Variants in RNF180 observed in about 807,000 individuals in gnomAD.
RNF180 encodes the protein E3 ubiquitin-protein ligase RNF180.
In RNF180, 38 loss-of-function variants were observed where a neutral mutation model predicts 59.2. The observed-to-expected ratio is 0.64, with a 90% CI of 0.50 to 0.84. The LOEUF (loss-of-function observed/expected upper bound fraction) is 0.84, where lower values mean the gene tolerates loss of function less well. RNF180 is among the 40% of genes least tolerant of loss of function. The pLI is 0.00. For missense variants in RNF180, 705 were observed against 700.9 expected, an observed-to-expected ratio of 1.01 and a Z score of -0.07; for synonymous variants, 262 against 240.3, an observed-to-expected ratio of 1.09 and a Z score of -0.84.
At chr5:64,195,277 A>C (rs1377408548) in intron 1 of RNF180, among the ~76,000 whole-genome samples, 2 of 152,194 alleles carry the variant, frequency 1.3e-5, no homozygotes, top group African/African-American at 2.4e-5. Context: ...TAAGTCTAAA[A>C]GTTGAATTTA....
Position 64,213,612 on chromosome 5 carries a change from G to T in RNF180, c.286G>T (p.Gly96Cys). 6.2e-7 allele frequency: 1 copy of T among 1,614,086 alleles called. No individual in the cohort carries two copies. The highest frequency in any genetic ancestry group is 1.1e-5 in the South Asian group (1 of 91,078). ...TCCTTTCTGTGGGGCCCGTTTAGGG[G>T]GCTTTAATTTTGTCAGCACTCCAAA... ...NCPFCGARLG[G>C]FNFVSTPKCS... is the part of the protein sequence containing the mutation. The change falls in exon 4 of 8, where the codon GGC becomes TGC. Residue 96 changes from glycine to cysteine, a missense_variant. Physicochemically the swap from Gly to Cys is radical, Grantham distance 159 (BLOSUM62 -3). Coordinates refer to ENST00000389100, the MANE Select transcript of RNF180 (RefSeq NM_001113561.2).
chr5:64,177,392 A>G (rs1158806263), intron 1 of RNF180, among the ~76,000 whole-genome samples: 1 of 151,608 alleles, frequency 6.6e-6, no homozygotes, highest in Non-Finnish European at 1.5e-5. Context: ...CTGACTCCCT[A>G]ATTCTTGTTT....
At chr5:64,171,871 G>A (rs1400584988) in intron 1 of RNF180, among the ~76,000 whole-genome samples, 1 of 151,948 alleles carries the variant, frequency 6.6e-6, no homozygotes, top group Non-Finnish European at 1.5e-5. Flanking sequence ...ACAGCATCTG[G>A]GTATAAGGAA....
chr5:64,254,158 G>A (rs981832133), intron 5 of RNF180, among the ~76,000 whole-genome samples: 1 of 152,088 alleles, frequency 6.6e-6, no homozygotes, highest in African/African-American at 2.4e-5. Context: ...AGATTATGAA[G>A]GCAAGTTGTT....
At chr5:64,226,469 T>G (rs1367732134) in intron 5 of RNF180, among the ~76,000 whole-genome samples, 3 of 152,130 alleles carry the variant, frequency 2.0e-5, no homozygotes, top group Admixed American at 6.5e-5. Flanking sequence ...GGCAGCATGC[T>G]CGTTAAGAGT....
At chr5:64,369,531 T>C in intron 7 of RNF180, 84 bp from the exon 8 acceptor site, 1 of 765,826 alleles carries the variant, frequency 1.3e-6, no homozygotes, top group Non-Finnish European at 1.9e-6. Context: ...AGGATATGCT[T>C]TGTTTAACTG....
chr5:64,178,058 G>A (rs1050093574), intron 1 of RNF180, among the ~76,000 whole-genome samples: 1 of 151,988 alleles, frequency 6.6e-6, no homozygotes, highest in Non-Finnish European at 1.5e-5. Flanking sequence ...ACAAAAATTA[G>A]CTGGGCATGG....
intron 5 of RNF180, among the ~76,000 whole-genome samples, chr5:64,308,125 T>C (rs1743568232): frequency 6.6e-6 from 1 of 151,804 alleles, no homozygotes; most frequent in Non-Finnish European, 1.5e-5. Flanking sequence ...AGTGCAGTTA[T>C]GCATAGGAAG....
At chr5:64,225,641 G>GGCCACCCCA (rs1741675900) in intron 5 of RNF180, among the ~76,000 whole-genome samples, 1 of 130,690 alleles carries the variant, frequency 7.7e-6, no homozygotes, top group African/African-American at 2.9e-5. Context: ...CGGCCGCCCC[G>GGCCACCCCA]TCTGGGAAGT....
At chr5:64,239,760 A>G (rs569419369) in intron 5 of RNF180, among the ~76,000 whole-genome samples, 15 of 152,248 alleles carry the variant, frequency 9.9e-5, no homozygotes, top group Admixed American at 5.2e-4. Flanking sequence ...CGATCATCTT[A>G]AAAAATAAAC....
At chr5:64,351,793 G>A (rs1461568035) in intron 7 of RNF180, among the ~76,000 whole-genome samples, 1 of 151,950 alleles carries the variant, frequency 6.6e-6, no homozygotes, top group Non-Finnish European at 1.5e-5. Flanking sequence ...ATGTGCTGCT[G>A]GATTCAGTTT....
chr5:64,302,856 A>G (rs540168363), intron 5 of RNF180, among the ~76,000 whole-genome samples: 101 of 151,790 alleles, frequency 6.7e-4, no homozygotes, highest in African/African-American at 2.2e-3. Flanking sequence ...TGAAGAGAAT[A>G]TAACAAAGGA....
At chr5:64,367,312 A>C (rs773252908) in intron 7 of RNF180, among the ~76,000 whole-genome samples, 2 of 151,628 alleles carry the variant, frequency 1.3e-5, no homozygotes, top group South Asian at 4.1e-4. Context: ...AAAAATACAC[A>C]GGATACCACT....
intron 5 of RNF180, among the ~76,000 whole-genome samples, chr5:64,227,802 CT>C (rs1741861730): frequency 6.6e-6 from 1 of 152,178 alleles, no homozygotes; most frequent in Admixed American, 6.5e-5. Context: ...AAATATCTCA[CT>C]TTTAAAATAA....
chr5:64,181,689 G>T (rs1750592649), intron 1 of RNF180, among the ~76,000 whole-genome samples: 1 of 152,150 alleles, frequency 6.6e-6, no homozygotes, highest in African/African-American at 2.4e-5. Flanking sequence ...CAAAGTCTGG[G>T]CAGATCTCTC....
At chr5:64,244,473 T>G (rs573800747) in intron 5 of RNF180, among the ~76,000 whole-genome samples, 1 of 151,506 alleles carries the variant, frequency 6.6e-6, no homozygotes, top group Non-Finnish European at 1.5e-5. Context: ...ATCAATCAAG[T>G]CGAAGAAAGG....
chr5:64,300,631 C>G (rs954134266), intron 5 of RNF180, among the ~76,000 whole-genome samples: 1 of 151,718 alleles, frequency 6.6e-6, no homozygotes, highest in South Asian at 2.1e-4. Flanking sequence ...ATACATTGTT[C>G]AAATATCTGA....
At chr5:64,328,238 C>T (rs886224253) in intron 6 of RNF180, among the ~76,000 whole-genome samples, 1 of 152,064 alleles carries the variant, frequency 6.6e-6, no homozygotes, top group African/African-American at 2.4e-5. Flanking sequence ...AGAAAATACC[C>T]TGAATCATAG....
At chr5:64,284,308 T>A (rs1300063912) in intron 5 of RNF180, among the ~76,000 whole-genome samples, 2 of 152,210 alleles carry the variant, frequency 1.3e-5, no homozygotes, top group African/African-American at 4.8e-5. Context: ...ATGTTGACCT[T>A]GAAGAATCTG....
Sources: gnomAD v4.1 joint callset for allele counts (sites outside exome capture counted in the v4.1 genomes callset) on GRCh38, gnomAD v4.1.1 for gene constraint, MANE v1.5 for transcripts, NCBI Gene and HGNC (gene_info 2026-07-23, HGNC 2026-07-21) for gene names.